The following RIPOR3 variants were observed in gnomAD, a reference collection of about 807,000 sequenced individuals.
RIPOR3 encodes the protein RIPOR family member 3, also known as family with sequence similarity 65 member C.
In RIPOR3, 95 loss-of-function variants were observed where a neutral mutation model predicts 114.3. The ratio of observed to expected loss-of-function variants is 0.83; its 90% CI spans 0.70 to 0.99. The LOEUF is 0.99. Ranked by LOEUF, RIPOR3 falls within the 50% of genes least tolerant of loss-of-function variation. The probability of loss-of-function intolerance (pLI) is 0.00; values close to 1 mark genes in which losing one functional copy is unlikely to be tolerated. For synonymous variants in RIPOR3, 575 were observed against 543.8 expected (o/e 1.06, Z -0.80); for missense variants, 1,252 against 1,266.9 (o/e 0.99, Z 0.18).
chr20:50,587,390 T>C (rs1256630740), intron 21 of RIPOR3, 58 bp from the exon 22 acceptor site: 12 of 1,473,470 alleles, frequency 8.1e-6, no homozygotes, highest in East Asian at 4.5e-5. Flanking sequence ...CTTCCAACTC[T>C]CCTGGGCCAG....
At chr20:50,660,261 G>C (rs1436362995) in intron 1 of RIPOR3, 1 of 152,122 alleles carries the variant, frequency 6.6e-6, no homozygotes, top group African/African-American at 2.4e-5. Context: ...CCTGCAACTG[G>C]GTAATGTATA....
chr20:50,625,992 G>A (rs2084604847), intron 2 of RIPOR3, among the ~76,000 whole-genome samples: 1 of 152,240 alleles, frequency 6.6e-6, no homozygotes, highest in Non-Finnish European at 1.5e-5. Flanking sequence ...TAGGGGTCAA[G>A]GTGGTGATGG....
chr20:50,634,202 G>C (rs932904959), intron 1 of RIPOR3, among the ~76,000 whole-genome samples: 1 of 151,812 alleles, frequency 6.6e-6, no homozygotes, highest in Admixed American at 6.6e-5. Flanking sequence ...GGCTGTTCTC[G>C]AACTCCTGAG....
At chr20:50,679,296 T>TA (rs1568965072) in intron 1 of RIPOR3, among the ~76,000 whole-genome samples, 2 of 149,490 alleles carry the variant, frequency 1.3e-5, no homozygotes, top group African/African-American at 4.9e-5. Context: ...GAATAAAATT[T>TA]AAAAAAGAGG....
At chr20:50,663,619 A>T (rs916679935) in intron 1 of RIPOR3, among the ~76,000 whole-genome samples, 2 of 152,206 alleles carry the variant, frequency 1.3e-5, no homozygotes, top group African/African-American at 4.8e-5. Flanking sequence ...AGGTCAGGAC[A>T]GCCTTTCGGT....
At position 50,604,681 on chromosome 20, in the gene RIPOR3, G is replaced by T; in HGVS notation, c.1050C>A (p.Pro350=). 2 of 1,609,566 alleles carry T rather than the reference G, an allele frequency of 1.2e-6. No homozygotes were observed. Among genetic ancestry groups the T allele is most frequent in the Non-Finnish European group, 1.7e-6 (2 of 1,178,298 alleles). ...SRKGSLYNWT[P]PSTPSFRERY... The stretch of plus-strand genomic sequence containing the variant: ...TCTCCCGGAAGCTGGGGGTGCTCGG[G>T]GGTGTCCAGTTGTACAAGGAGCCCT... Residue 350 remains proline, a synonymous_variant, in exon 12 of 22, where the codon CCC becomes CCA. Transcript: ENST00000327979.
At chr20:50,648,046 C>T (rs1467137805) in intron 1 of RIPOR3, among the ~76,000 whole-genome samples, 3 of 151,794 alleles carry the variant, frequency 2.0e-5, no homozygotes, top group Non-Finnish European at 4.4e-5. Context: ...GAGGCCAAGA[C>T]GGGTGGATCA....
chr20:50,644,200 G>A (rs1312660618), intron 1 of RIPOR3, among the ~76,000 whole-genome samples: 2 of 151,944 alleles, frequency 1.3e-5, no homozygotes, highest in East Asian at 3.9e-4. Context: ...TGGAACTCCT[G>A]GCCTCATGTA....
chr20:50,597,775 C>T, intron 13 of RIPOR3, 65 bp from the exon 14 acceptor site: 1 of 1,570,536 alleles, frequency 6.4e-7, no homozygotes, highest in Non-Finnish European at 8.6e-7. Flanking sequence ...GGGACACTGG[C>T]CAGGGGCCTC....
At chr20:50,643,914 C>T (rs1346781610) in intron 1 of RIPOR3, among the ~76,000 whole-genome samples, 1 of 151,850 alleles carries the variant, frequency 6.6e-6, no homozygotes, top group African/African-American at 2.4e-5. Flanking sequence ...GGGGTTTCAC[C>T]GTGTTAGCCA....
intron 1 of RIPOR3, among the ~76,000 whole-genome samples, chr20:50,663,804 C>T (rs959556303): frequency 6.6e-6 from 1 of 152,148 alleles, no homozygotes; most frequent in African/African-American, 2.4e-5. Context: ...GATCCCCATC[C>T]CCAGAAGGAA....
rs1385066804 is a variant in RIPOR3, at chr20:50,594,675, A to G, written c.2090T>C (p.Leu697Pro). 5.0e-6 allele frequency: 8 copies of G among 1,613,402 alleles called. No individual in the cohort carries two copies. Among genetic ancestry groups the G allele is most frequent in the Admixed American group, 1.7e-5 (1 of 59,988 alleles). ...GCCAGGCCCTGTGCACCCTCTCCAC[A>G]GCTTCAGGCACCCCTTCGTCCGCGA... The part of the protein sequence containing the change: ...QASRTKGCLK[L>P]WRGCTGPGRV... The change falls in exon 17 of 22, where the codon CTG (leucine) becomes CCG (proline). Residue 697 changes from leucine to proline, a missense_variant. By Grantham distance (98) the Leu-to-Pro change is moderately conservative. Coordinates refer to ENST00000327979, the MANE Select transcript of RIPOR3 (RefSeq NM_001290268.2).
chr20:50,623,860 T>A (rs1460405123), intron 2 of RIPOR3, among the ~76,000 whole-genome samples: 1 of 152,142 alleles, frequency 6.6e-6, no homozygotes, highest in East Asian at 1.9e-4. Context: ...TATTTTGAGA[T>A]GAAATTTCGC....
Position 50,586,854 on chromosome 20 carries a change from T to G in RIPOR3, c.*378A>C. On this transcript the variant is annotated 3_prime_UTR_variant, in exon 22 of 22. Coordinates refer to ENST00000327979, the MANE Select transcript of RIPOR3 (RefSeq NM_001290268.2). ...AGCTGACCGGCAGCGAGGCCTGGAGTTCTACACACTTGCCTTGGAGCCTTT... is the reference window on the plus strand; with the variant it reads ...AGCTGACCGGCAGCGAGGCCTGGAGGTCTACACACTTGCCTTGGAGCCTTT... 5.2e-6 allele frequency: 1 copy of G among 190,680 alleles called. No homozygotes were observed. Among genetic ancestry groups the G allele is most frequent in the Non-Finnish European group, 1.1e-5 (1 of 91,170 alleles). 11.8% of individuals were successfully genotyped at this position (190,680 alleles called of 1,614,324 possible).
At chr20:50,593,235 C>T in intron 17 of RIPOR3, 39 bp from the exon 18 acceptor site, 1 of 1,593,808 alleles carries the variant, frequency 6.3e-7, no homozygotes. Flanking sequence ...AAACTGAGAC[C>T]TCGACCCTCC....
At chr20:50,643,170 G>A (rs933172908) in intron 1 of RIPOR3, among the ~76,000 whole-genome samples, 7 of 150,570 alleles carry the variant, frequency 4.6e-5, no homozygotes, top group African/African-American at 1.2e-4. Context: ...TCGCCCAGGC[G>A]GAAGTGCAGT....
At chr20:50,665,676 T>C (rs2086166965) in intron 1 of RIPOR3, among the ~76,000 whole-genome samples, 2 of 152,012 alleles carry the variant, frequency 1.3e-5, no homozygotes, top group Non-Finnish European at 1.5e-5. Context: ...CGCCTTGGCC[T>C]CCCAAAGTGC....
chr20:50,644,263 C>T (rs1444878801), intron 1 of RIPOR3, among the ~76,000 whole-genome samples: 1 of 152,130 alleles, frequency 6.6e-6, no homozygotes, highest in East Asian at 1.9e-4. Context: ...TAAGCCACTG[C>T]ACCTGACCCC....
Position 50,601,264 on chromosome 20 carries a change from T to C in RIPOR3, c.1659+808A>G, listed in dbSNP as rs371422322. Among the ~76,000 whole-genome samples the C allele has an allele frequency of 4.7e-3, 719 of 152,202 alleles. 3 individuals carry two copies. Among genetic ancestry groups the C allele is most frequent in the Non-Finnish European group, 6.9e-3 (466 of 68,006 alleles). ...GCCTGGCCAACATGGCGAAACCCCA[T>C]CTCTACTAAAAATACAAAAATTAGC... On this transcript the variant is annotated intron_variant, in intron 13 of 21. Transcript: ENST00000327979.
Sources: allele counts gnomAD v4.1 joint callset (sites outside exome capture counted in the v4.1 genomes callset), GRCh38; gene constraint gnomAD v4.1.1; transcripts MANE v1.5; gene names NCBI Gene and HGNC (gene_info 2026-07-23, HGNC 2026-07-21).